Variants in METTL8 observed in about 807,000 individuals in gnomAD.
METTL8 encodes the protein tRNA N(3)-cytidine methyltransferase METTL8, mitochondrial.
Under a neutral mutation model 48.7 loss-of-function variants are expected in METTL8, and 32 were observed. The observed-to-expected ratio is 0.66, with a 90% confidence interval of 0.50 to 0.88. The LOEUF (loss-of-function observed/expected upper bound fraction) is 0.88. Among genes scored for constraint, METTL8 ranks in the 40% least tolerant of loss-of-function variants. The probability of loss-of-function intolerance (pLI) is 0.00; values close to 1 mark genes in which losing one functional copy is unlikely to be tolerated. For synonymous variants in METTL8, 136 were observed against 157.1 expected (o/e 0.87, Z 1.01); for missense variants, 464 against 474.4 (o/e 0.98, Z 0.20).
intron 1 of METTL8, among the ~76,000 whole-genome samples, chr2:171,419,877 T>G (rs548181798): frequency 6.6e-6 from 1 of 152,232 alleles, no homozygotes; most frequent in Non-Finnish European, 1.5e-5. Flanking sequence ...CCCATGTGAC[T>G]GATTTAAATC....
intron 3 of METTL8, among the ~76,000 whole-genome samples, chr2:171,351,268 G>A (rs1683881489): frequency 2.6e-5 from 4 of 152,248 alleles, no homozygotes; most frequent in Middle Eastern, 3.4e-3. Context: ...AGATCAGATG[G>A]TTATAGATGT....
chr2:171,362,566 AAAATAAATAAAT>A lies in METTL8; in HGVS notation c.144-2065_144-2054del, dbSNP rs147767237. Among the ~76,000 whole-genome samples, 971 of 146,002 alleles carry A rather than the reference AAAATAAATAAAT, an allele frequency of 6.7e-3. 13 individuals are homozygous for A. The highest frequency in any genetic ancestry group is 0.022 in the African/African-American group (899 of 40,258). On this transcript the variant is annotated intron_variant, in intron 2 of 9. Transcript: ENST00000375258. ...CGAAACTGTTTTCCTTAAAAAAATA[AAAATAAATAAAT>A]AAATAAATAAATAAATAAATAAATC...
Position 171,318,361 on chromosome 2 carries a change from A to T in METTL8, c.*5811T>A, listed in dbSNP as rs545825891. ...GTTTTAAATAACGATGTTTTCACTC[A>T]TATTTTATTATGGACACCTCCTGAT... is the stretch of plus-strand genomic sequence containing the variant. On this transcript the variant is annotated 3_prime_UTR_variant, in exon 10 of 10. Coordinates refer to ENST00000375258, the MANE Select transcript of METTL8 (RefSeq NM_001321154.2). 1 of 152,350 alleles carries T rather than the reference A, an allele frequency of 6.6e-6. No homozygotes were observed. The highest frequency in any genetic ancestry group is 2.4e-5 in the African/African-American group (1 of 41,592). 9.4% of individuals were successfully genotyped at this position (152,350 alleles called of 1,614,324 possible).
At chr2:171,422,567 T>C (rs1181239084) in intron 1 of METTL8, among the ~76,000 whole-genome samples, 1 of 152,172 alleles carries the variant, frequency 6.6e-6, no homozygotes, top group Non-Finnish European at 1.5e-5. Flanking sequence ...ACACATATTA[T>C]GATGAAGAAT....
At chr2:171,335,639 G>A (rs1379862361) in intron 5 of METTL8, among the ~76,000 whole-genome samples, 1 of 152,114 alleles carries the variant, frequency 6.6e-6, no homozygotes, top group Non-Finnish European at 1.5e-5. Flanking sequence ...TGGCCAGGCT[G>A]GTCTCAAACT....
At chr2:171,342,998 C>T (rs1332314684) in intron 3 of METTL8, among the ~76,000 whole-genome samples, 2 of 151,888 alleles carry the variant, frequency 1.3e-5, no homozygotes, top group Admixed American at 6.6e-5. Context: ...CAAAGCAAGA[C>T]CCTGTCTCTA....
chr2:171,363,967 C>T (rs931031330), intron 2 of METTL8, among the ~76,000 whole-genome samples: 2 of 151,278 alleles, frequency 1.3e-5, no homozygotes, highest in Non-Finnish European at 2.9e-5. Context: ...CATGTGCCAC[C>T]ATACCCGGCT....
intron 1 of METTL8, among the ~76,000 whole-genome samples, chr2:171,418,026 C>T (rs530578504): frequency 6.8e-4 from 103 of 152,270 alleles, no homozygotes; most frequent in African/African-American, 2.2e-3. Flanking sequence ...TCACTGCAAG[C>T]TCCGCCTCCT....
chr2:171,347,754 A>T (rs1303471392), intron 3 of METTL8, among the ~76,000 whole-genome samples: 1 of 152,192 alleles, frequency 6.6e-6, no homozygotes, highest in Non-Finnish European at 1.5e-5. Context: ...AAACAGTGTG[A>T]CAGAGTTCCT....
At chr2:171,340,441 G>T (rs1686616439) in intron 3 of METTL8, among the ~76,000 whole-genome samples, 2 of 146,114 alleles carry the variant, frequency 1.4e-5, no homozygotes, top group African/African-American at 2.6e-5. Flanking sequence ...GGAGAAATTT[G>T]CAGTGAGCAG....
chr2:171,384,765 A>G lies in METTL8; in HGVS notation c.143+7278T>C, dbSNP rs569792672. ...GAGGATCACTTGAGCCTAGGAGGTCAAAACTGCAATGAGCTGTGATCATGC... is the reference window on the plus strand; with the variant it reads ...GAGGATCACTTGAGCCTAGGAGGTCGAAACTGCAATGAGCTGTGATCATGC... On this transcript the variant is annotated intron_variant, in intron 2 of 9. Transcript: ENST00000375258. Among the ~76,000 whole-genome samples, 4 of 150,310 alleles carry G rather than the reference A, an allele frequency of 2.7e-5. No individual in the cohort carries two copies. The East Asian group carries it at 8.0e-4, about 30-fold the overall frequency.
At chr2:171,408,157 T>C (rs1035860874) in intron 1 of METTL8, among the ~76,000 whole-genome samples, 4 of 152,224 alleles carry the variant, frequency 2.6e-5, no homozygotes, top group African/African-American at 9.6e-5. Flanking sequence ...CCTGGATTTG[T>C]GTTCATAAAC....
At chr2:171,341,149 G>A (rs1686710983) in intron 3 of METTL8, among the ~76,000 whole-genome samples, 1 of 151,834 alleles carries the variant, frequency 6.6e-6, no homozygotes, top group African/African-American at 2.4e-5. Flanking sequence ...CCAACATGGT[G>A]AAACCCCATC....
At chr2:171,328,853 G>A (rs1685226004) in intron 7 of METTL8, among the ~76,000 whole-genome samples, 2 of 151,786 alleles carry the variant, frequency 1.3e-5, no homozygotes, top group Non-Finnish European at 2.9e-5. Context: ...CCACAGCCAG[G>A]TGATTTTGTA....
chr2:171,393,652 T>C (rs1688793180), intron 1 of METTL8, among the ~76,000 whole-genome samples: 1 of 152,192 alleles, frequency 6.6e-6, no homozygotes, highest in Non-Finnish European at 1.5e-5. Flanking sequence ...CAGTTGTTCA[T>C]CACAACATTC....
chr2:171,347,286 C>T (rs1559082497), intron 3 of METTL8, among the ~76,000 whole-genome samples: 1 of 152,162 alleles, frequency 6.6e-6, no homozygotes, highest in Non-Finnish European at 1.5e-5. Context: ...CCTGCCTTTC[C>T]TGCTTCTACA....
chr2:171,433,437 A>G (rs1693365009), intron 1 of METTL8, among the ~76,000 whole-genome samples: 2 of 152,216 alleles, frequency 1.3e-5, no homozygotes, highest in African/African-American at 4.8e-5. Context: ...AGCATGCCCA[A>G]GTCCACGTGG....
chr2:171,379,596 A>C (rs1179343757), intron 2 of METTL8, among the ~76,000 whole-genome samples: 1 of 152,222 alleles, frequency 6.6e-6, no homozygotes, highest in Non-Finnish European at 1.5e-5. Context: ...ACGGAAATAC[A>C]AACTACCATC....
chr2:171,324,381 A>C lies in METTL8; in HGVS notation c.1034-19T>G. The C allele has an allele frequency of 6.5e-7, 1 of 1,548,422 alleles. No homozygotes were observed. Among genetic ancestry groups the C allele is most frequent in the Admixed American group, 2.0e-5 (1 of 50,918 alleles). ...ACTTCCCCTGTGAGACAAAAATGGC[A>C]ATAAAAGATATGACATGTGACTAGA... On this transcript the variant is annotated intron_variant, in intron 9 of 9. Coordinates refer to ENST00000375258, the MANE Select transcript of METTL8 (RefSeq NM_001321154.2).
Sources: gnomAD v4.1 joint callset for allele counts (sites outside exome capture counted in the v4.1 genomes callset) on GRCh38, gnomAD v4.1.1 for gene constraint, MANE v1.5 for transcripts, NCBI Gene and HGNC (gene_info 2026-07-23, HGNC 2026-07-21) for gene names.